The following ARHGAP42 variants were observed in gnomAD, a reference collection of about 807,000 sequenced individuals.
The protein encoded by ARHGAP42 is rho GTPase-activating protein 42.
ARHGAP42 carries 63 observed loss-of-function variants against 125.0 expected under a neutral mutation model. That is an observed-to-expected ratio of 0.50 (90% CI 0.41 to 0.62). The LOEUF is 0.62. ARHGAP42 is among the 20% of genes least tolerant of loss of function. The probability of loss-of-function intolerance (pLI) is 0.00; values close to 1 mark genes in which losing one functional copy is unlikely to be tolerated. For synonymous variants in ARHGAP42, 339 were observed against 351.0 expected, an observed-to-expected ratio of 0.97 and a Z score of 0.38; for missense variants, 766 against 1,024.2, an observed-to-expected ratio of 0.75 and a Z score of 3.44.
At chr11:100,908,108 TA>T (rs1866797152) in intron 4 of ARHGAP42, among the ~76,000 whole-genome samples, 1 of 152,226 alleles carries the variant, frequency 6.6e-6, no homozygotes, top group African/African-American at 2.4e-5. Flanking sequence ...CACTTATTTT[TA>T]AAAACTTCTA....
intron 7 of ARHGAP42, 100 bp downstream of exon 7, chr11:100,933,360 C>A: frequency 1.4e-6 from 1 of 739,212 alleles, no homozygotes; most frequent in Non-Finnish European, 2.1e-6. Flanking sequence ...GTGGAAAATA[C>A]AACCCACAAA....
At chr11:100,744,002 G>A (rs538776349) in intron 1 of ARHGAP42, among the ~76,000 whole-genome samples, 8 of 152,188 alleles carry the variant, frequency 5.3e-5, no homozygotes, top group South Asian at 2.1e-4. Flanking sequence ...TTGGAGTCTC[G>A]CTCTGCTGCC....
chr11:100,740,801 G>A (rs1313172741), intron 1 of ARHGAP42, among the ~76,000 whole-genome samples: 4 of 152,140 alleles, frequency 2.6e-5, no homozygotes, highest in African/African-American at 9.7e-5. Flanking sequence ...TTGGCACAGG[G>A]TTGATGAAGC....
chr11:100,946,591 T>C (rs954131391), intron 10 of ARHGAP42, among the ~76,000 whole-genome samples: 3 of 152,000 alleles, frequency 2.0e-5, no homozygotes, highest in African/African-American at 4.8e-5. Context: ...TCTCAGGGAA[T>C]AGGGAAGCTA....
intron 3 of ARHGAP42, among the ~76,000 whole-genome samples, chr11:100,809,602 A>C (rs553222534): frequency 6.6e-6 from 1 of 152,224 alleles, no homozygotes; most frequent in Non-Finnish European, 1.5e-5. Flanking sequence ...AAAGATGTAC[A>C]CTATTACTGT....
intron 23 of ARHGAP42, 36 bp downstream of exon 23, chr11:100,987,628 T>C (rs921796698): frequency 8.5e-6 from 13 of 1,526,834 alleles, no homozygotes; most frequent in Non-Finnish European, 9.8e-6. Context: ...AAGTTTGTCA[T>C]CATGGGGAGG....
At chr11:100,948,597 AATTC>A in intron 11 of ARHGAP42, 62 bp downstream of exon 11, 1 of 1,294,254 alleles carries the variant, frequency 7.7e-7, no homozygotes, top group Non-Finnish European at 1.1e-6. Flanking sequence ...AATGTATGGA[AATTC>A]TTTTCATAGT....
At chr11:100,753,755 G>A (rs1184252703) in intron 1 of ARHGAP42, among the ~76,000 whole-genome samples, 1 of 152,162 alleles carries the variant, frequency 6.6e-6, no homozygotes, top group Non-Finnish European at 1.5e-5. Flanking sequence ...TTCCCACACT[G>A]GATAGGATTA....
Position 100,841,551 on chromosome 11 carries a change from G to C in ARHGAP42, c.313-18003G>C, listed in dbSNP as rs1029112260. On this transcript the variant is annotated intron_variant, in intron 3 of 23. Coordinates refer to ENST00000298815, the MANE Select transcript of ARHGAP42 (RefSeq NM_152432.4). Reference sequence around the variant, plus strand: ...TTATAATCACATTCTGCATTTCTGTGGTAGTCAGCAGAGAATTAAATCTAA... The same window carrying C: ...TTATAATCACATTCTGCATTTCTGTCGTAGTCAGCAGAGAATTAAATCTAA... 5.9e-5 allele frequency among the ~76,000 whole-genome samples: 9 copies of C among 152,134 alleles called. No homozygotes were observed. In the East Asian group the frequency reaches 7.7e-4, roughly 13 times the overall value.
At chr11:100,959,442 G>A (rs959576387) in intron 12 of ARHGAP42, among the ~76,000 whole-genome samples, 2 of 152,032 alleles carry the variant, frequency 1.3e-5, no homozygotes, top group African/African-American at 4.8e-5. Context: ...GAGGTTTTCA[G>A]CAACCCAGGG....
chr11:100,872,805 G>A (rs570815031), intron 4 of ARHGAP42, among the ~76,000 whole-genome samples: 80 of 152,238 alleles, frequency 5.3e-4, no homozygotes, highest in African/African-American at 1.8e-3. Context: ...TGTTGTCACT[G>A]ATACAAAAAC....
In ARHGAP42 at chr11:100,903,155, A is replaced by ACACACACACC. The variant is rs1236722352; in HGVS notation, c.385-10296_385-10295insACACACACCC. On this transcript the variant is annotated intron_variant, in intron 4 of 23. Coordinates refer to ENST00000298815, the MANE Select transcript of ARHGAP42 (RefSeq NM_152432.4). Reference sequence around the variant, plus strand: ...CACACACACACACACACACACACACACCAAGCTTTAGCAGGCAAGCTTTGC... The same window carrying ACACACACACC: ...CACACACACACACACACACACACACACACACACACCCCAAGCTTTAGCAGGCAAGCTTTGC... Among the ~76,000 whole-genome samples the ACACACACACC allele has an allele frequency of 3.3e-5, 5 of 151,010 alleles. 1 individual carries two copies. The highest frequency in any genetic ancestry group is 4.2e-4 in the South Asian group (2 of 4,766).
At chr11:100,715,360 A>C (rs1454243226) in intron 1 of ARHGAP42, among the ~76,000 whole-genome samples, 1 of 152,002 alleles carries the variant, frequency 6.6e-6, no homozygotes, top group Non-Finnish European at 1.5e-5. Context: ...AACCCAGTGA[A>C]TCTAGTATCC....
At chr11:100,724,845 T>A (rs201312894) in intron 1 of ARHGAP42, among the ~76,000 whole-genome samples, 5 of 147,226 alleles carry the variant, frequency 3.4e-5, no homozygotes, top group African/African-American at 1.3e-4. Flanking sequence ...TCTTTTTTTT[T>A]ATTTTTTTGC....
At chr11:100,829,982 C>A (rs1410308484) in intron 3 of ARHGAP42, among the ~76,000 whole-genome samples, 3 of 152,168 alleles carry the variant, frequency 2.0e-5, no homozygotes, top group Admixed American at 1.3e-4. Context: ...ACTTTGGATT[C>A]TCCAAAGGTG....
At chr11:100,702,538 T>A (rs1472943944) in intron 1 of ARHGAP42, among the ~76,000 whole-genome samples, 1 of 150,776 alleles carries the variant, frequency 6.6e-6, no homozygotes, top group Admixed American at 6.6e-5. Flanking sequence ...ACTTGCCCGA[T>A]GCAGTGTTGT....
At chr11:100,920,271 G>GTA (rs1867198966) in intron 5 of ARHGAP42, among the ~76,000 whole-genome samples, 2 of 151,460 alleles carry the variant, frequency 1.3e-5, no homozygotes, top group South Asian at 2.1e-4. Context: ...TTAAATGCAT[G>GTA]ATAAGTATAG....
intron 1 of ARHGAP42, among the ~76,000 whole-genome samples, chr11:100,696,356 CTATT>C (rs973094073): frequency 3.5e-4 from 53 of 151,556 alleles, no homozygotes; most frequent in African/African-American, 1.1e-3. Flanking sequence ...TTTATTTTAT[CTATT>C]TATTTTTTTT....
At chr11:100,768,843 A>G (rs1225991181) in intron 1 of ARHGAP42, among the ~76,000 whole-genome samples, 4 of 152,226 alleles carry the variant, frequency 2.6e-5, no homozygotes, top group East Asian at 1.9e-4. Flanking sequence ...AAACAATTCT[A>G]TAAGGTGGTT....
Sources: allele counts gnomAD v4.1 joint callset (sites outside exome capture counted in the v4.1 genomes callset), GRCh38; gene constraint gnomAD v4.1.1; transcripts MANE v1.5; gene names NCBI Gene and HGNC (gene_info 2026-07-23, HGNC 2026-07-21).